Variants in AGAP1 observed in about 807,000 individuals in gnomAD.
AGAP1 encodes ArfGAP with GTPase domain, ankyrin repeat and PH domain 1, also known as arf-GAP with GTPase, ANK repeat and PH domain-containing protein 1.
Under a neutral mutation model 105.3 loss-of-function variants are expected in AGAP1, and 29 were observed. That is an observed-to-expected ratio of 0.28 (90% confidence interval 0.21 to 0.38). The LOEUF is 0.38. Ranked by LOEUF, AGAP1 falls within the 10% of genes least tolerant of loss-of-function variation. The pLI is 1.00. For missense variants in AGAP1, 998 were observed against 1,165.1 expected, an observed-to-expected ratio of 0.86 and a Z score of 2.09; for synonymous variants, 509 against 485.9, an observed-to-expected ratio of 1.05 and a Z score of -0.63.
At chr2:235,657,229 A>C (rs943383543) in intron 1 of AGAP1, among the ~76,000 whole-genome samples, 1 of 152,164 alleles carries the variant, frequency 6.6e-6, no homozygotes, top group African/African-American at 2.4e-5. Context: ...GTTGTAGGGC[A>C]CTGGGTAGCC....
intron 12 of AGAP1, among the ~76,000 whole-genome samples, chr2:235,956,054 G>A (rs1461276689): frequency 6.6e-6 from 1 of 152,210 alleles, no homozygotes; most frequent in East Asian, 1.9e-4. Flanking sequence ...ATTTAATTGA[G>A]TTTTCTGCAA....
Position 236,061,573 on chromosome 2 carries a change from A to T in AGAP1, c.2114+12292A>T, listed in dbSNP as rs928797983. Among the ~76,000 whole-genome samples, 3 of 152,180 alleles carry T rather than the reference A, an allele frequency of 2.0e-5. No homozygotes were observed. The highest frequency in any genetic ancestry group is 1.3e-4 in the Admixed American group (2 of 15,276). ...TGTAACGTGGGTGAACCTCGAAGAC[A>T]TGATGCTAAAGGAAAGGAAGCAGGC... On this transcript the variant is annotated intron_variant, in intron 16 of 17. Coordinates refer to ENST00000304032, the MANE Select transcript of AGAP1 (RefSeq NM_001037131.3). This position sits in a 1 kb window ranked among gnomAD's most constrained non-coding sequence, Gnocchi z 4.1.
chr2:235,821,312 T>C (rs1034292653), intron 9 of AGAP1, among the ~76,000 whole-genome samples: 1 of 152,040 alleles, frequency 6.6e-6, no homozygotes, highest in African/African-American at 2.4e-5. Flanking sequence ...TATGTATACA[T>C]GTGGCTTTAA....
In AGAP1 at chr2:235,664,582, A is replaced by C. The variant is rs1948068060; in HGVS notation, c.164-44597A>C. Among the ~76,000 whole-genome samples, 1 of 152,136 alleles carries C rather than the reference A, an allele frequency of 6.6e-6. No individual in the cohort carries two copies. The highest frequency in any genetic ancestry group is 2.4e-5 in the African/African-American group (1 of 41,426). ...AAGAAAAACTACCAAGAAATATCTA[A>C]TATTTTCCTTTTGTTTGGGAATAAG... is the stretch of plus-strand genomic sequence containing the variant. On this transcript the variant is annotated intron_variant, in intron 1 of 17. Coordinates refer to ENST00000304032, the MANE Select transcript of AGAP1 (RefSeq NM_001037131.3). The surrounding 1 kb of genome is among the most constrained non-coding windows in gnomAD (Gnocchi z 5.7).
At chr2:235,507,610 GCTGGGTGCC>G (rs1194132398) in intron 1 of AGAP1, 1 of 152,100 alleles carries the variant, frequency 6.6e-6, no homozygotes, top group Non-Finnish European at 1.5e-5. Flanking sequence ...CGTGTTCAGG[GCTGGGTGCC>G]CTTTGTGTCA....
intron 1 of AGAP1, among the ~76,000 whole-genome samples, chr2:235,594,542 AAAG>A (rs1945455230): frequency 6.6e-6 from 1 of 152,076 alleles, no homozygotes; most frequent in Admixed American, 6.6e-5. Flanking sequence ...TATCAATTTT[AAAG>A]AAGAATTGAC....
At position 235,799,647 on chromosome 2, in the gene AGAP1, G is replaced by C; in HGVS notation, c.957+125G>C. 9.1e-7 allele frequency: 1 copy of C among 1,104,178 alleles called. No individual in the cohort carries two copies. The allele number at this position is 1,104,178 out of a possible 1,614,324, so 68.4% of individuals were successfully genotyped here. On this transcript the variant is annotated intron_variant, in intron 8 of 17. Transcript: ENST00000304032. The surrounding 1 kb of genome is among the most constrained non-coding windows in gnomAD (Gnocchi z 5.0). ...CAACTATATTAAAGTGAATAACATTGATTTCTGTGGAGGACTAAGAAAATT... is the reference window on the plus strand; with the variant it reads ...CAACTATATTAAAGTGAATAACATTCATTTCTGTGGAGGACTAAGAAAATT...
At chr2:236,071,217 C>G (rs2058486876) in intron 16 of AGAP1, among the ~76,000 whole-genome samples, 1 of 152,224 alleles carries the variant, frequency 6.6e-6, no homozygotes, top group African/African-American at 2.4e-5. Flanking sequence ...AAGAAGCACT[C>G]AGGCTAAATA....
intron 13 of AGAP1, among the ~76,000 whole-genome samples, chr2:236,010,513 T>C (rs1478390643): frequency 6.6e-6 from 1 of 152,220 alleles, no homozygotes; most frequent in Admixed American, 6.5e-5. Flanking sequence ...TCACTGTTTG[T>C]GCACCACATG....
intron 1 of AGAP1, among the ~76,000 whole-genome samples, chr2:235,511,854 G>T (rs1452514974): frequency 6.6e-6 from 1 of 151,792 alleles, no homozygotes; most frequent in Admixed American, 6.6e-5. Flanking sequence ...GAGTGTGGAT[G>T]TGTGTGAATG....
intron 1 of AGAP1, among the ~76,000 whole-genome samples, chr2:235,594,301 T>C (rs1378174663): frequency 6.6e-6 from 1 of 150,414 alleles, no homozygotes; most frequent in Non-Finnish European, 1.5e-5. Flanking sequence ...TTTTTTTTTT[T>C]CATATTTAAA....
In AGAP1 at chr2:236,124,015, C is replaced by A; in HGVS notation, c.2467C>A (p.Gln823Lys). ...SSQECIDVLL[Q>K]YGCPDERFVL... ...CCAGGAGTGCATCGACGTGCTGCTG[C>A]AGTACGGCTGCCCCGACGAGCGCTT... Residue 823 changes from glutamine (Q) to lysine (K), a missense_variant, in exon 18 of 18, where the codon CAG becomes AAG. Transcript: ENST00000304032. The surrounding 1 kb of genome is among the most constrained non-coding windows in gnomAD (Gnocchi z 5.1). 6.2e-7 allele frequency: 1 copy of A among 1,614,112 alleles called. No homozygotes were observed. Among genetic ancestry groups the A allele is most frequent in the Non-Finnish European group, 8.5e-7 (1 of 1,180,022 alleles).
chr2:235,694,655 A>G (rs991005425), intron 1 of AGAP1, among the ~76,000 whole-genome samples: 1 of 140,674 alleles, frequency 7.1e-6, no homozygotes, highest in African/African-American at 3.1e-5. Flanking sequence ...CTCAGGGAGA[A>G]AAAAAAAAAG....
intron 16 of AGAP1, among the ~76,000 whole-genome samples, chr2:236,108,031 T>G (rs954618058): frequency 5.9e-5 from 9 of 152,170 alleles, no homozygotes; most frequent in Non-Finnish European, 8.8e-5. Flanking sequence ...GTCCACTGCC[T>G]CCTCCTCCCC....
intron 1 of AGAP1, among the ~76,000 whole-genome samples, chr2:235,645,010 C>T (rs1947327458): frequency 6.6e-6 from 1 of 152,114 alleles, no homozygotes; most frequent in South Asian, 2.1e-4. Context: ...ATTCTCCTGC[C>T]TCAGCCTGCT....
At chr2:235,580,377 G>A (rs1359721333) in intron 1 of AGAP1, among the ~76,000 whole-genome samples, 2 of 151,260 alleles carry the variant, frequency 1.3e-5, no homozygotes, top group Non-Finnish European at 2.9e-5. Context: ...CTTACATTTT[G>A]TCGGGTTGAT....
chr2:235,987,423 A>G lies in AGAP1; in HGVS notation c.1645+18800A>G, dbSNP rs190118800. 3.6e-5 allele frequency among the ~76,000 whole-genome samples: 5 copies of G among 139,978 alleles called. No individual in the cohort carries two copies. In the Admixed American group the frequency reaches 3.6e-4, roughly 10 times the overall value. 91.8% of individuals were successfully genotyped at this position (139,978 alleles called of 152,430 possible). On this transcript the variant is annotated intron_variant, in intron 13 of 17. Transcript: ENST00000304032. ...TATTAGTTTAGCTAATGGTCTATCT[A>G]TTTTGTTAATTTTTTTCAAAAAAAC...
intron 13 of AGAP1, among the ~76,000 whole-genome samples, chr2:236,028,529 G>C (rs760126936): frequency 2.0e-5 from 3 of 152,074 alleles, no homozygotes; most frequent in Non-Finnish European, 2.9e-5. Flanking sequence ...ATTTTTGTTT[G>C]CTAGTGTACA....
intron 1 of AGAP1, among the ~76,000 whole-genome samples, chr2:235,703,574 G>T (rs867674025): frequency 3.8e-4 from 3 of 7,976 alleles, no homozygotes; most frequent in Non-Finnish European, 8.0e-4. Context: ...CCCCTCCCCC[G>T]CTTCCCTCCC....
Sources: gnomAD v4.1 joint callset for allele counts (sites outside exome capture counted in the v4.1 genomes callset) on GRCh38, gnomAD v4.1.1 for gene constraint, Gnocchi (gnomAD v3.1) non-coding constraint, MANE v1.5 for transcripts, NCBI Gene and HGNC (gene_info 2026-07-23, HGNC 2026-07-21) for gene names.